Variants in GPHN observed in about 807,000 individuals in gnomAD.
GPHN encodes the protein gephyrin.
A neutral mutation model predicts 95.5 loss-of-function variants in GPHN; 17 were observed. The observed-to-expected ratio is 0.18, with a 90% CI of 0.12 to 0.27. The LOEUF (loss-of-function observed/expected upper bound fraction) is 0.27, where lower values mean the gene tolerates loss of function less well. Ranked by LOEUF, GPHN falls within the 10% of genes least tolerant of loss-of-function variation. GPHN has a pLI of 1.00. For synonymous variants in GPHN, 320 were observed against 322.5 expected, an observed-to-expected ratio of 0.99 and a Z score of 0.08; for missense variants, 660 against 978.1, an observed-to-expected ratio of 0.67 and a Z score of 4.34.
rs2066363210 is a variant in GPHN, at chr14:66,924,248, A to G, written c.784A>G (p.Ile262Val). 1 of 1,611,834 alleles carries G rather than the reference A, an allele frequency of 6.2e-7. No individual in the cohort carries two copies. Among genetic ancestry groups the G allele is most frequent in the Admixed American group, 1.7e-5 (1 of 59,964 alleles). ...AVVMAHGEQP[I>V]PGLINYSHHS... ...TGTCATGGCACACGGTGAACAGCCC[A>G]TCCCTGGTCTCATCAATTATTCCCA... The change falls in exon 8 of 23, where the codon ATC becomes GTC. Residue 262 changes from isoleucine (I) to valine (V), a missense_variant. Around this residue, in one of 6 missense-constraint regions of GPHN, gnomAD observed 190 missense variants for 224.7 expected, o/e 0.85. Coordinates refer to ENST00000478722, the MANE Select transcript of GPHN (RefSeq NM_020806.5).
At chr14:67,225,219 A>C in the GPHN span, 2 of 1,529,628 alleles carry the variant, frequency 1.3e-6, no homozygotes, top group Non-Finnish European at 8.7e-7. Context: ...GAAAAGTAAA[A>C]CAGAAAAAGA....
chr14:67,214,622 T>C, the GPHN span, among the ~76,000 whole-genome samples: 1 of 152,180 alleles, frequency 6.6e-6, no homozygotes, highest in Non-Finnish European at 1.5e-5. Flanking sequence ...TTTGTTCTTT[T>C]GGCTTAGGAT....
chr14:66,890,970 CATCAT>C (rs1328748846), intron 5 of GPHN, among the ~76,000 whole-genome samples: 34 of 152,118 alleles, frequency 2.2e-4, no homozygotes, highest in Non-Finnish European at 5.9e-5. Context: ...CCACAGCTCA[CATCAT>C]ATTCAGCGGT....
At chr14:67,683,010 A>G in the GPHN span, among the ~76,000 whole-genome samples, 2 of 152,258 alleles carry the variant, frequency 1.3e-5, no homozygotes, top group Admixed American at 1.3e-4. Context: ...TTCCATTTAT[A>G]TGAAATGTCC....
chr14:66,604,624 G>A (rs2062424704), intron 1 of GPHN, among the ~76,000 whole-genome samples: 1 of 152,002 alleles, frequency 6.6e-6, no homozygotes. Flanking sequence ...ATATGTAACA[G>A]TATATATACT....
chr14:66,591,168 T>C (rs117382380), intron 1 of GPHN, among the ~76,000 whole-genome samples: 1,847 of 152,078 alleles, frequency 0.012, 24 homozygotes, highest in Non-Finnish European at 0.018. Context: ...AAATAATAAG[T>C]GCTATTTATG....
chr14:67,223,207 C>T, the GPHN span, among the ~76,000 whole-genome samples: 1 of 152,104 alleles, frequency 6.6e-6, no homozygotes, highest in African/African-American at 2.4e-5. Context: ...ACCATGTTGG[C>T]CAGGCTGGTC....
At chr14:66,647,024 G>A (rs7157025) in intron 1 of GPHN, among the ~76,000 whole-genome samples, 37,880 of 150,410 alleles carry the variant, frequency 0.25, 9,626 homozygotes, top group African/African-American at 0.62. Context: ...AGCCTCCCAA[G>A]CAACTGGGAC....
chr14:67,164,534 C>T (rs974393254), intron 19 of GPHN, among the ~76,000 whole-genome samples: 3 of 151,826 alleles, frequency 2.0e-5, no homozygotes, highest in Non-Finnish European at 2.9e-5. Context: ...TGCTCTGTCG[C>T]CCAGGCTGGC....
At chr14:66,620,020 T>A (rs1174880411) in intron 1 of GPHN, among the ~76,000 whole-genome samples, 2 of 152,064 alleles carry the variant, frequency 1.3e-5, no homozygotes, top group African/African-American at 4.8e-5. Context: ...AAGTGTTGGA[T>A]ATATGGAGTG....
At chr14:66,669,548 CAG>C (rs2066178945) in intron 1 of GPHN, among the ~76,000 whole-genome samples, 1 of 151,790 alleles carries the variant, frequency 6.6e-6, no homozygotes, top group Non-Finnish European at 1.5e-5. Context: ...CTTTGACACT[CAG>C]ATGATATTAA....
the GPHN span, among the ~76,000 whole-genome samples, chr14:67,416,387 G>A: frequency 4.6e-5 from 7 of 152,130 alleles, no homozygotes; most frequent in East Asian, 7.7e-4. Context: ...AGAACTGGGC[G>A]GTGAAGTCCC....
At chr14:67,597,280 C>G in the GPHN span, among the ~76,000 whole-genome samples, 1 of 152,192 alleles carries the variant, frequency 6.6e-6, no homozygotes, top group East Asian at 1.9e-4. Context: ...GAGTTCAAGA[C>G]CAGCCTGGGC....
At position 66,993,632 on chromosome 14, in the gene GPHN, T is replaced by A. The variant is rs376002179; in HGVS notation, c.963+28307T>A. ...CAAGTAATATATCATACCTTAAAAATCTAAATGGTATTTGAATCGAATCAG... is the reference window on the plus strand; with the variant it reads ...CAAGTAATATATCATACCTTAAAAAACTAAATGGTATTTGAATCGAATCAG... On this transcript the variant is annotated intron_variant, in intron 9 of 22. Coordinates refer to ENST00000478722, the MANE Select transcript of GPHN (RefSeq NM_020806.5). Among the ~76,000 whole-genome samples the A allele has an allele frequency of 4.6e-5, 7 of 152,242 alleles. No individual in the cohort carries two copies. In the South Asian group the frequency reaches 8.3e-4, roughly 18 times the overall value.
At chr14:66,779,506 T>C (rs1280105710) in intron 3 of GPHN, among the ~76,000 whole-genome samples, 1 of 152,128 alleles carries the variant, frequency 6.6e-6, no homozygotes, top group Non-Finnish European at 1.5e-5. Flanking sequence ...GAATATTGAA[T>C]TGAAATTATG....
chr14:67,382,034 T>C, the GPHN span, among the ~76,000 whole-genome samples: 2 of 152,130 alleles, frequency 1.3e-5, no homozygotes, highest in Admixed American at 6.5e-5. Flanking sequence ...ACAAGTTTTA[T>C]GAGGTTTGAT....
At chr14:67,459,063 T>A in the GPHN span, among the ~76,000 whole-genome samples, 1 of 152,080 alleles carries the variant, frequency 6.6e-6, no homozygotes, top group Non-Finnish European at 1.5e-5. Context: ...AATTTTTTTG[T>A]ATTTTTGGTA....
the GPHN span, among the ~76,000 whole-genome samples, chr14:67,451,425 A>G: frequency 6.6e-6 from 1 of 152,238 alleles, no homozygotes; most frequent in Non-Finnish European, 1.5e-5. Flanking sequence ...CAGTCTGTGA[A>G]AGCAGCCAGG....
At chr14:66,837,734 G>C (rs1413707538) in intron 4 of GPHN, among the ~76,000 whole-genome samples, 1 of 151,660 alleles carries the variant, frequency 6.6e-6, no homozygotes, top group Non-Finnish European at 1.5e-5. Context: ...CTTGAGGTCA[G>C]AATTTTTGCA....
Sources: allele counts gnomAD v4.1 joint callset (sites outside exome capture counted in the v4.1 genomes callset), GRCh38; gene constraint gnomAD v4.1.1; regional missense constraint gnomAD v4.1.1; transcripts MANE v1.5; gene names NCBI Gene and HGNC (gene_info 2026-07-23, HGNC 2026-07-21).